The following GPR39 variants were observed in gnomAD, a reference collection of about 807,000 sequenced individuals.
GPR39 encodes zinc sensing receptor.
GPR39 carries 23 observed loss-of-function variants against 18.4 expected under a neutral mutation model. That is an observed-to-expected ratio of 1.25 (90% CI 0.90 to 1.77). The LOEUF (loss-of-function observed/expected upper bound fraction) is 1.77. Among genes scored for constraint, GPR39 ranks in the 40% most tolerant of loss-of-function variants. The probability of loss-of-function intolerance (pLI) is 0.00; values close to 1 mark genes in which losing one functional copy is unlikely to be tolerated. For missense variants in GPR39, 647 were observed against 602.4 expected (o/e 1.07, Z -0.78); for synonymous variants, 280 against 257.9 (o/e 1.09, Z -0.82).
chr2:132,581,490 C>T (rs1375895046), intron 1 of GPR39, among the ~76,000 whole-genome samples: 1 of 152,086 alleles, frequency 6.6e-6, no homozygotes, highest in Admixed American at 6.5e-5. Context: ...TGGCTGGTGC[C>T]CTTGTTATGT....
intron 1 of GPR39, among the ~76,000 whole-genome samples, chr2:132,484,998 GA>G (rs1681303738): frequency 6.6e-6 from 1 of 152,196 alleles, no homozygotes; most frequent in Non-Finnish European, 1.5e-5. Context: ...GCAAAATTGT[GA>G]AACCACTTAT....
chr2:132,439,853 T>G (rs1256711761), intron 1 of GPR39, among the ~76,000 whole-genome samples: 1 of 152,192 alleles, frequency 6.6e-6, no homozygotes, highest in Non-Finnish European at 1.5e-5. Context: ...TGCTTGTTTT[T>G]TAAAGAATTT....
chr2:132,644,346 C>A (rs1274574352), intron 1 of GPR39, among the ~76,000 whole-genome samples: 2 of 152,196 alleles, frequency 1.3e-5, no homozygotes, highest in Non-Finnish European at 2.9e-5. Context: ...CAGCTCAGTG[C>A]TGCAAAGGAA....
chr2:132,610,454 G>A (rs1002891483), intron 1 of GPR39, among the ~76,000 whole-genome samples: 2 of 152,144 alleles, frequency 1.3e-5, no homozygotes, highest in African/African-American at 2.4e-5. Flanking sequence ...AGATTGGCAG[G>A]TGGCTTCCTT....
intron 1 of GPR39, among the ~76,000 whole-genome samples, chr2:132,444,921 AC>A (rs1680507235): frequency 6.6e-6 from 1 of 152,172 alleles, no homozygotes; most frequent in South Asian, 2.1e-4. Flanking sequence ...TGAGTGGGCG[AC>A]ATATCCCAAA....
intron 1 of GPR39, among the ~76,000 whole-genome samples, chr2:132,615,579 G>A (rs1157801300): frequency 6.6e-6 from 1 of 152,174 alleles, no homozygotes; most frequent in Non-Finnish European, 1.5e-5. Flanking sequence ...ATTAACAGGT[G>A]AGATCAGGGT....
rs1030353499 is a variant in GPR39 at position 132,644,893 on chromosome 2, C to T, written c.857-208C>T. 2.5e-5 allele frequency: 15 copies of T among 589,458 alleles called. No homozygotes were observed. In the South Asian group the frequency reaches 3.3e-4, roughly 13 times the overall value. 36.5% of individuals were successfully genotyped at this position (589,458 alleles called of 1,614,324 possible). ...TTTAATGGTCTTTCTTTAACACAGCCAACTCCCCCGGGTTTGAAACAGTGT... is the reference window on the plus strand; with the variant it reads ...TTTAATGGTCTTTCTTTAACACAGCTAACTCCCCCGGGTTTGAAACAGTGT... On this transcript the variant is annotated intron_variant, in intron 1 of 1. Coordinates refer to ENST00000329321, the MANE Select transcript of GPR39 (RefSeq NM_001508.3).
intron 1 of GPR39, among the ~76,000 whole-genome samples, chr2:132,532,917 T>G (rs1167513595): frequency 6.6e-6 from 1 of 151,998 alleles, no homozygotes; most frequent in East Asian, 1.9e-4. Context: ...CTGGAAGCAT[T>G]CCCTTTGAAA....
chr2:132,455,787 G>A (rs1199778516), intron 1 of GPR39, among the ~76,000 whole-genome samples: 2 of 150,952 alleles, frequency 1.3e-5, no homozygotes, highest in South Asian at 2.1e-4. Context: ...GTAGTTGTGC[G>A]GTTTTGAGTG....
intron 1 of GPR39, among the ~76,000 whole-genome samples, chr2:132,542,647 A>T (rs1030829930): frequency 2.0e-5 from 3 of 151,728 alleles, no homozygotes; most frequent in Admixed American, 2.0e-4. Flanking sequence ...TGCTGCACAG[A>T]GGCTAGCCTG....
intron 1 of GPR39, among the ~76,000 whole-genome samples, chr2:132,453,129 C>G (rs1447629606): frequency 6.6e-6 from 1 of 152,190 alleles, no homozygotes; most frequent in Non-Finnish European, 1.5e-5. Flanking sequence ...TCTCTACATC[C>G]TCTCCAGCAT....
chr2:132,447,474 AC>A (rs767783967), intron 1 of GPR39, among the ~76,000 whole-genome samples: 92 of 152,238 alleles, frequency 6.0e-4, no homozygotes, highest in African/African-American at 1.9e-3. Context: ...CTTGCTTCTC[AC>A]CCTCTTGCTT....
intron 1 of GPR39, among the ~76,000 whole-genome samples, chr2:132,469,012 C>T (rs114951583): frequency 0.024 from 3,730 of 152,272 alleles, 108 homozygotes; most frequent in African/African-American, 0.072. Flanking sequence ...TCCTTGGCAG[C>T]GATTCTGAAT....
chr2:132,436,028 C>G (rs963442151), intron 1 of GPR39, among the ~76,000 whole-genome samples: 1 of 152,212 alleles, frequency 6.6e-6, no homozygotes, highest in Non-Finnish European at 1.5e-5. Flanking sequence ...CTGAAAGACT[C>G]TCAGGTGGCC....
intron 1 of GPR39, among the ~76,000 whole-genome samples, chr2:132,432,714 A>T (rs1017049594): frequency 1.3e-5 from 2 of 152,234 alleles, no homozygotes; most frequent in Non-Finnish European, 2.9e-5. Context: ...AATGTGGTAC[A>T]TGAGCATAGC....
intron 1 of GPR39, among the ~76,000 whole-genome samples, chr2:132,486,113 G>C (rs530061402): frequency 6.6e-6 from 1 of 152,170 alleles, no homozygotes; most frequent in South Asian, 2.1e-4. Flanking sequence ...CAGGTGTCTT[G>C]TCAATAAGTG....
At chr2:132,424,930 C>A (rs1438622877) in intron 1 of GPR39, among the ~76,000 whole-genome samples, 4 of 152,164 alleles carry the variant, frequency 2.6e-5, no homozygotes, top group Admixed American at 6.5e-5. Flanking sequence ...CAGACAGTGA[C>A]TGCTTCCATT....
Position 132,416,940 on chromosome 2 carries a change from G to A in GPR39, c.-103G>A. The A allele has an allele frequency of 7.3e-7, 1 of 1,371,882 alleles. No individual in the cohort carries two copies. Among genetic ancestry groups the A allele is most frequent in the South Asian group, 1.4e-5 (1 of 73,858 alleles). 85.0% of individuals were successfully genotyped at this position (1,371,882 alleles called of 1,614,324 possible). A position where few individuals can be genotyped will look rare whatever the true frequency, so the allele number is the denominator to read the frequency against. ...GAGAACTCGAGTGAGATAAAATCGT[G>A]CGCCCACGCAGGTGAGTTTGCAGCC... On this transcript the variant is annotated 5_prime_UTR_variant, in exon 1 of 2. Transcript: ENST00000329321.
At chr2:132,573,718 GAGCTGTGTTAAGGCAAGTCTCTGA>G (rs1252915393) in intron 1 of GPR39, among the ~76,000 whole-genome samples, 1 of 152,140 alleles carries the variant, frequency 6.6e-6, no homozygotes, top group East Asian at 1.9e-4. Context: ...CCAAGAATCT[GAGCTGTGTTAAGGCAAGTCTCTGA>G]AGCTAATTGA....
Sources: allele counts gnomAD v4.1 joint callset (sites outside exome capture counted in the v4.1 genomes callset), GRCh38; gene constraint gnomAD v4.1.1; transcripts MANE v1.5; gene names NCBI Gene and HGNC (gene_info 2026-07-23, HGNC 2026-07-21).